OR52W1: variants seen among roughly 807,000 people sequenced by gnomAD.
The protein encoded by OR52W1 is olfactory receptor 52W1.
For synonymous variants in OR52W1, 158 were observed against 165.1 expected, an observed-to-expected ratio of 0.96 and a Z score of 0.33; for missense variants, 418 against 391.9, an observed-to-expected ratio of 1.07 and a Z score of -0.56.
chr11:6,199,515 C>G lies in OR52W1; in HGVS notation c.292C>G (p.Pro98Ala). Reference protein sequence around the residue: ...AVLWLGPRSVPYAVCLVQMFF... With the variant: ...AVLWLGPRSVAYAVCLVQMFF... ...GCTGTGGCTTGGGCCCCGATCTGTGCCATATGCTGTGTGCCTGGTCCAGAT... is the reference window on the plus strand; with the variant it reads ...GCTGTGGCTTGGGCCCCGATCTGTGGCATATGCTGTGTGCCTGGTCCAGAT... Residue 98 changes from proline (P) to alanine (A), a missense_variant, in exon 1 of 1, where the codon CCA becomes GCA. Transcript: ENST00000311352. 6.2e-7 allele frequency: 1 copy of G among 1,614,192 alleles called. No individual in the cohort carries two copies. The highest frequency in any genetic ancestry group is 8.5e-7 in the Non-Finnish European group (1 of 1,180,008).
Position 6,199,581 on chromosome 11 carries a change from C to T in OR52W1, c.358C>T (p.Leu120Phe). Reference protein sequence around the residue: ...HALTAMESGVLLAMACDRAAA... With the variant: ...HALTAMESGVFLAMACDRAAA... Reference sequence around the variant, plus strand: ...ACTGACTGCCATGGAATCAGGTGTGCTTTTGGCCATGGCCTGTGATCGTGC... The same window carrying T: ...ACTGACTGCCATGGAATCAGGTGTGTTTTTGGCCATGGCCTGTGATCGTGC... Residue 120 changes from leucine to phenylalanine, a missense_variant, in exon 1 of 1, where the codon CTT (leucine) becomes TTT (phenylalanine). Physicochemically the swap from Leu to Phe is conservative, Grantham distance 22 (BLOSUM62 0). Coordinates refer to ENST00000311352, the MANE Select transcript of OR52W1 (RefSeq NM_001005178.1). 1 of 1,614,262 alleles carries T rather than the reference C, an allele frequency of 6.2e-7. No individual in the cohort carries two copies. Among genetic ancestry groups the T allele is most frequent in the Non-Finnish European group, 8.5e-7 (1 of 1,180,052 alleles).
At position 6,200,169 on chromosome 11, in the gene OR52W1, A is replaced by G. The variant is rs760953246; in HGVS notation, c.946A>G (p.Arg316Gly). ...CCGACTCCTGGAAACCTTCACATTC[A>G]GAAAAAGCCCGTTGTAATGTCCAGT... ...RDRLLETFTF[R>G]KSPL Residue 316 changes from arginine (R) to glycine (G), a missense_variant, in exon 1 of 1, where the codon AGA becomes GGA. Coordinates refer to ENST00000311352, the MANE Select transcript of OR52W1 (RefSeq NM_001005178.1). The G allele has an allele frequency of 6.2e-7, 1 of 1,603,326 alleles. No homozygotes were observed. Among genetic ancestry groups the G allele is most frequent in the East Asian group, 2.2e-5 (1 of 44,866 alleles).
Position 6,199,934 on chromosome 11 carries a change from G to C in OR52W1, c.711G>C (p.Glu237Asp). Residue 237 changes from glutamate (E) to aspartate (D), a missense_variant, in exon 1 of 1, where the codon GAG (glutamate) becomes GAC (aspartate). Coordinates refer to ENST00000311352, the MANE Select transcript of OR52W1 (RefSeq NM_001005178.1). The stretch of plus-strand genomic sequence containing the variant: ...CTGTGCTGCAGCTACCTACCCGGGA[G>C]GCCCATGCCAAGGCCTTTGGTACAT... ...AHAVLQLPTREAHAKAFGTCS... is the reference protein window; with the variant it reads ...AHAVLQLPTRDAHAKAFGTCS... 1.2e-6 allele frequency: 2 copies of C among 1,614,148 alleles called. No individual in the cohort carries two copies. The highest frequency in any genetic ancestry group is 1.7e-6 in the Non-Finnish European group (2 of 1,180,004).
In OR52W1 at chr11:6,199,930, G is replaced by A. The variant is rs781590097; in HGVS notation, c.707G>A (p.Arg236Gln). 25 of 1,613,980 alleles carry A rather than the reference G, an allele frequency of 1.5e-5. No individual in the cohort carries two copies. Among genetic ancestry groups the A allele is most frequent in the Middle Eastern group, 3.3e-4 (2 of 6,082 alleles). The change falls in exon 1 of 1, where the codon CGG (arginine) becomes CAG (glutamine). Residue 236 changes from arginine to glutamine, a missense_variant. Physicochemically the swap from Arg to Gln is conservative, Grantham distance 43 (BLOSUM62 1). Transcript: ENST00000311352. ...CATGCTGTGCTGCAGCTACCTACCC[G>A]GGAGGCCCATGCCAAGGCCTTTGGT... ...IAHAVLQLPT[R>Q]EAHAKAFGTC... is the part of the protein sequence containing the mutation.
Position 6,199,347 on chromosome 11 carries a change from C to A in OR52W1, c.124C>A (p.Leu42Met). The part of the protein sequence containing the change: ...LTLVFGPIYL[L>M]ALLGNGALPA... ...ACTGGTCTTTGGGCCCATTTATCTGCTGGCCCTGCTGGGCAATGGAGCACT... is the reference window on the plus strand; with the variant it reads ...ACTGGTCTTTGGGCCCATTTATCTGATGGCCCTGCTGGGCAATGGAGCACT... The change falls in exon 1 of 1, where the codon CTG (leucine) becomes ATG (methionine). Residue 42 changes from leucine (L) to methionine (M), a missense_variant. By Grantham distance (15) the Leu-to-Met change is conservative. Transcript: ENST00000311352. 1 of 1,614,190 alleles carries A rather than the reference C, an allele frequency of 6.2e-7. No individual in the cohort carries two copies. The highest frequency in any genetic ancestry group is 8.5e-7 in the Non-Finnish European group (1 of 1,180,008).
At position 6,199,890 on chromosome 11, in the gene OR52W1, T is replaced by C. The variant is rs773980390; in HGVS notation, c.667T>C (p.Tyr223His). The C allele has an allele frequency of 1.2e-6, 2 of 1,614,126 alleles. No homozygotes were observed. The highest frequency in any genetic ancestry group is 1.7e-6 in the Non-Finnish European group (2 of 1,179,928). Reference protein sequence around the residue: ...GMDILGITGSYGLIAHAVLQL... With the variant: ...GMDILGITGSHGLIAHAVLQL... Reference sequence around the variant, plus strand: ...GGATATTCTGGGTATCACTGGCTCCTATGGACTCATTGCCCATGCTGTGCT... The same window carrying C: ...GGATATTCTGGGTATCACTGGCTCCCATGGACTCATTGCCCATGCTGTGCT... The change falls in exon 1 of 1, where the codon TAT (tyrosine) becomes CAT (histidine). Residue 223 changes from tyrosine to histidine, a missense_variant. Transcript: ENST00000311352.
chr11:6,199,308 C>A lies in OR52W1; in HGVS notation c.85C>A (p.Gln29Lys). ...LTGFPGLGSAQTWLTLVFGPI... is the reference protein window; with the variant it reads ...LTGFPGLGSAKTWLTLVFGPI... Reference sequence around the variant, plus strand: ...TGGCTTTCCAGGGCTAGGAAGTGCCCAGACTTGGCTGACACTGGTCTTTGG... The same window carrying A: ...TGGCTTTCCAGGGCTAGGAAGTGCCAAGACTTGGCTGACACTGGTCTTTGG... Residue 29 changes from glutamine to lysine, a missense_variant, in exon 1 of 1, where the codon CAG becomes AAG. Gln to Lys is a moderately conservative substitution (Grantham distance 53). Transcript: ENST00000311352. 6.2e-7 allele frequency: 1 copy of A among 1,614,162 alleles called. No homozygotes were observed. The highest frequency in any genetic ancestry group is 8.5e-7 in the Non-Finnish European group (1 of 1,180,004).
rs1846900666 is a variant in OR52W1, at chr11:6,199,247, T to G, written c.24T>G (p.Asn8Lys). The part of the protein sequence containing the change: MAETLQL[N>K]STFLHPNFFI... Reference sequence around the variant, plus strand: ...GAATGGCAGAAACTCTACAACTCAATTCCACCTTCCTACACCCAAACTTCT... The same window carrying G: ...GAATGGCAGAAACTCTACAACTCAAGTCCACCTTCCTACACCCAAACTTCT... Residue 8 changes from asparagine to lysine, a missense_variant, in exon 1 of 1, where the codon AAT becomes AAG. Physicochemically the swap from Asn to Lys is moderately conservative, Grantham distance 94 (BLOSUM62 0). Transcript: ENST00000311352. 3 of 1,612,690 alleles carry G rather than the reference T, an allele frequency of 1.9e-6. No homozygotes were observed. The highest frequency in any genetic ancestry group is 2.5e-6 in the Non-Finnish European group (3 of 1,179,226).
In OR52W1 at chr11:6,199,611, G is replaced by A; in HGVS notation, c.388G>A (p.Ala130Thr). The change falls in exon 1 of 1, where the codon GCA becomes ACA. Residue 130 changes from alanine to threonine, a missense_variant. Coordinates refer to ENST00000311352, the MANE Select transcript of OR52W1 (RefSeq NM_001005178.1). ...GGCCATGGCCTGTGATCGTGCTGCG[G>A]CAATAGGGCGTCCACTGCACTACCC... ...LLAMACDRAA[A>T]IGRPLHYPVL... The A allele has an allele frequency of 6.2e-7, 1 of 1,614,264 alleles. No individual in the cohort carries two copies. The highest frequency in any genetic ancestry group is 2.2e-5 in the East Asian group (1 of 44,890).
In OR52W1 at chr11:6,199,829, A is replaced by T. The variant is rs984724252; in HGVS notation, c.606A>T (p.Leu202Phe). Residue 202 changes from leucine (L) to phenylalanine (F), a missense_variant, in exon 1 of 1, where the codon TTA (leucine) becomes TTT (phenylalanine). Coordinates refer to ENST00000311352, the MANE Select transcript of OR52W1 (RefSeq NM_001005178.1). ...TGGGTAACACACAGGCCACCAACTT[A>T]TATGGTCTGGCACTTTCACTGGCCA... ...LVVGNTQATN[L>F]YGLALSLAIS... 1.2e-6 allele frequency: 2 copies of T among 1,614,000 alleles called. No individual in the cohort carries two copies. Among genetic ancestry groups the T allele is most frequent in the African/African-American group, 1.3e-5 (1 of 74,898 alleles).
rs1327227842 is a variant in OR52W1, at chr11:6,199,478, G to T, written c.255G>T (p.Gly85=). 1 of 1,614,132 alleles carries T rather than the reference G, an allele frequency of 6.2e-7. No individual in the cohort carries two copies. The highest frequency in any genetic ancestry group is 8.5e-7 in the Non-Finnish European group (1 of 1,180,046). Residue 85 remains glycine (G), a synonymous_variant, in exon 1 of 1, where the codon GGG becomes GGT. Coordinates refer to ENST00000311352, the MANE Select transcript of OR52W1 (RefSeq NM_001005178.1). ...DLGLATSIAP[G]LLAVLWLGPR... ...GCTTAGCCACATCTATAGCCCCAGG[G>T]TTGCTGGCTGTGCTGTGGCTTGGGC...
Position 6,199,904 on chromosome 11 carries a change from C to T in OR52W1, c.681C>T (p.Ala227=), listed in dbSNP as rs763906051. The change falls in exon 1 of 1, where the codon GCC becomes GCT. Residue 227 remains alanine (A), a synonymous_variant. Coordinates refer to ENST00000311352, the MANE Select transcript of OR52W1 (RefSeq NM_001005178.1). ...TCACTGGCTCCTATGGACTCATTGC[C>T]CATGCTGTGCTGCAGCTACCTACCC... ...LGITGSYGLI[A]HAVLQLPTRE... is the part of the protein sequence containing the mutation. 9.9e-6 allele frequency: 16 copies of T among 1,613,982 alleles called. No homozygotes were observed. In the Admixed American group the frequency reaches 2.2e-4, roughly 22 times the overall value.
rs1223803186 is a variant in OR52W1 at position 6,199,492 on chromosome 11, T to C, written c.269T>C (p.Leu90Pro). 1 of 1,614,142 alleles carries C rather than the reference T, an allele frequency of 6.2e-7. No homozygotes were observed. Among genetic ancestry groups the C allele is most frequent in the African/African-American group, 1.3e-5 (1 of 74,956 alleles). Residue 90 changes from leucine to proline, a missense_variant, in exon 1 of 1, where the codon CTG (leucine) becomes CCG (proline). Coordinates refer to ENST00000311352, the MANE Select transcript of OR52W1 (RefSeq NM_001005178.1). ...ATAGCCCCAGGGTTGCTGGCTGTGC[T>C]GTGGCTTGGGCCCCGATCTGTGCCA... ...TSIAPGLLAV[L>P]WLGPRSVPYA...
chr11:6,199,640 C>A lies in OR52W1; in HGVS notation c.417C>A (p.Val139=). The A allele has an allele frequency of 1.2e-6, 2 of 1,614,242 alleles. No individual in the cohort carries two copies. Among genetic ancestry groups the A allele is most frequent in the Non-Finnish European group, 1.7e-6 (2 of 1,180,022 alleles). ...AAIGRPLHYP[V]LVTKACVGYA... is the part of the protein sequence containing the mutation. ...TAGGGCGTCCACTGCACTACCCTGT[C>A]CTGGTCACCAAAGCCTGTGTGGGTT... The change falls in exon 1 of 1, where the codon GTC becomes GTA. Residue 139 remains valine, a synonymous_variant. Transcript: ENST00000311352.
In OR52W1 at chr11:6,199,866, G is replaced by A; in HGVS notation, c.643G>A (p.Asp215Asn). ...LALSLAISGM[D>N]ILGITGSYGL... Reference sequence around the variant, plus strand: ...ACTTTCACTGGCCATCTCAGGTATGGATATTCTGGGTATCACTGGCTCCTA... The same window carrying A: ...ACTTTCACTGGCCATCTCAGGTATGAATATTCTGGGTATCACTGGCTCCTA... The change falls in exon 1 of 1, where the codon GAT becomes AAT. Residue 215 changes from aspartate (D) to asparagine (N), a missense_variant. Physicochemically the swap from Asp to Asn is conservative, Grantham distance 23 (BLOSUM62 1). Coordinates refer to ENST00000311352, the MANE Select transcript of OR52W1 (RefSeq NM_001005178.1). The A allele has an allele frequency of 6.2e-7, 1 of 1,614,184 alleles. No homozygotes were observed.
chr11:6,199,939 A>C lies in OR52W1; in HGVS notation c.716A>C (p.His239Pro), dbSNP rs10839531. 6.5e-3 allele frequency: 10,508 copies of C among 1,614,022 alleles called. 43 individuals carry two copies. Among genetic ancestry groups the C allele is most frequent in the Non-Finnish European group, 7.8e-3 (9,246 of 1,179,978 alleles). The change falls in exon 1 of 1, where the codon CAT (histidine) becomes CCT (proline). Residue 239 changes from histidine (H) to proline (P), a missense_variant. Physicochemically the swap from His to Pro is moderately conservative, Grantham distance 77. Transcript: ENST00000311352. ...CTGCAGCTACCTACCCGGGAGGCCC[A>C]TGCCAAGGCCTTTGGTACATGTAGT... is the stretch of plus-strand genomic sequence containing the variant. ...AVLQLPTREA[H>P]AKAFGTCSSH...
chr11:6,199,927 C>A lies in OR52W1; in HGVS notation c.704C>A (p.Thr235Asn). 6.2e-7 allele frequency: 1 copy of A among 1,614,142 alleles called. No homozygotes were observed. The highest frequency in any genetic ancestry group is 8.5e-7 in the Non-Finnish European group (1 of 1,179,972). The part of the protein sequence containing the change: ...LIAHAVLQLP[T>N]REAHAKAFGT... ...GCCCATGCTGTGCTGCAGCTACCTA[C>A]CCGGGAGGCCCATGCCAAGGCCTTT... The change falls in exon 1 of 1, where the codon ACC (threonine) becomes AAC (asparagine). Residue 235 changes from threonine to asparagine, a missense_variant. Physicochemically the swap from Thr to Asn is moderately conservative, Grantham distance 65. Transcript: ENST00000311352.
In OR52W1 at chr11:6,199,316, G is replaced by A. The variant is rs1268407651; in HGVS notation, c.93G>A (p.Trp31Ter). Residue 31 changes from tryptophan to a stop codon, truncating the protein, a stop_gained, in exon 1 of 1, where the codon TGG becomes TGA. Transcript: ENST00000311352. LOFTEE classifies it low-confidence loss of function (END_TRUNC). ...CAGGGCTAGGAAGTGCCCAGACTTG[G>A]CTGACACTGGTCTTTGGGCCCATTT... ...GFPGLGSAQT[W>*]LTLVFGPIYL... 2 of 1,614,046 alleles carry A rather than the reference G, an allele frequency of 1.2e-6. No homozygotes were observed. Among genetic ancestry groups the A allele is most frequent in the African/African-American group, 2.7e-5 (2 of 74,926 alleles).
chr11:6,199,537 A>G lies in OR52W1; in HGVS notation c.314A>G (p.Gln105Arg). ...GTGCCATATGCTGTGTGCCTGGTCC[A>G]GATGTTCTTTGTACATGCACTGACT... Reference protein sequence around the residue: ...RSVPYAVCLVQMFFVHALTAM... With the variant: ...RSVPYAVCLVRMFFVHALTAM... The change falls in exon 1 of 1, where the codon CAG (glutamine) becomes CGG (arginine). Residue 105 changes from glutamine (Q) to arginine (R), a missense_variant. By Grantham distance (43) the Gln-to-Arg change is conservative. Transcript: ENST00000311352. 1 of 1,614,212 alleles carries G rather than the reference A, an allele frequency of 6.2e-7. No individual in the cohort carries two copies. The highest frequency in any genetic ancestry group is 1.1e-5 in the South Asian group (1 of 91,082).
Sources: gnomAD v4.1 joint callset for allele counts on GRCh38, gnomAD v4.1.1 for gene constraint, MANE v1.5 for transcripts, NCBI Gene and HGNC (gene_info 2026-07-23, HGNC 2026-07-21) for gene names.